The following MBNL2 variants were observed in gnomAD, a reference collection of about 807,000 sequenced individuals.
MBNL2 encodes the protein muscleblind-like protein 2.
MBNL2 carries 17 observed loss-of-function variants against 41.9 expected under a neutral mutation model. The ratio of observed to expected loss-of-function variants is 0.41; its 90% CI spans 0.28 to 0.61. MBNL2 has a LOEUF of 0.61. Ranked by LOEUF, MBNL2 falls within the 20% of genes least tolerant of loss-of-function variation. The pLI, the probability that MBNL2 is intolerant of heterozygous loss-of-function variation, is 0.35. For synonymous variants in MBNL2, 195 were observed against 182.9 expected, an observed-to-expected ratio of 1.07 and a Z score of -0.53; for missense variants, 336 against 505.6, an observed-to-expected ratio of 0.66 and a Z score of 3.22.
At chr13:97,190,597 CT>C in the MBNL2 span, among the ~76,000 whole-genome samples, 1 of 152,196 alleles carries the variant, frequency 6.6e-6, no homozygotes, top group South Asian at 2.1e-4. Flanking sequence ...CCACATACAT[CT>C]CTATGATCCC....
At chr13:97,304,804 TAAAC>T (rs1374651241) in intron 2 of MBNL2, among the ~76,000 whole-genome samples, 4 of 152,240 alleles carry the variant, frequency 2.6e-5, no homozygotes, top group Non-Finnish European at 5.9e-5. Flanking sequence ...CATTATTACA[TAAAC>T]AAAATGCATT....
intron 1 of MBNL2, among the ~76,000 whole-genome samples, chr13:97,260,013 T>C (rs562903755): frequency 6.6e-6 from 1 of 152,156 alleles, no homozygotes; most frequent in East Asian, 1.9e-4. Flanking sequence ...GACATTACAG[T>C]CTGGTTGAGA....
rs1394540558 is a variant in MBNL2 at position 97,281,379 on chromosome 13, T to C, written c.174+4970T>C. ...GTTCTGTGTAGGAATTTCAAGACTC[T>C]GGAAGTATAATACAACATTGACAAA... On this transcript the variant is annotated intron_variant, in intron 2 of 8. Transcript: ENST00000679496. 6.6e-5 allele frequency among the ~76,000 whole-genome samples: 10 copies of C among 152,050 alleles called. No individual in the cohort carries two copies. In the East Asian group the frequency reaches 1.7e-3, roughly 26 times the overall value.
the MBNL2 span, among the ~76,000 whole-genome samples, chr13:97,152,195 G>A: frequency 3.3e-5 from 5 of 151,998 alleles, no homozygotes; most frequent in African/African-American, 9.7e-5. Flanking sequence ...TAAAAAATAC[G>A]TACAAAAAAG....
In MBNL2 at chr13:97,343,808, TG is replaced by T. The variant is rs1424879195; in HGVS notation, c.540+593del. Among the ~76,000 whole-genome samples the T allele has an allele frequency of 2.0e-5, 3 of 152,380 alleles. No homozygotes were observed. In the East Asian group the frequency reaches 5.8e-4, roughly 29 times the overall value. On this transcript the variant is annotated intron_variant, in intron 4 of 8. Transcript: ENST00000679496. ...GATGAGTAAATTTAGTTTTTTGTTT[TG>T]TTTGGTTTGGTTTTGAGACGTAGTT...
At chr13:97,338,137 C>T (rs1311035909) in intron 3 of MBNL2, among the ~76,000 whole-genome samples, 3 of 152,124 alleles carry the variant, frequency 2.0e-5, no homozygotes, top group Admixed American at 6.6e-5. Flanking sequence ...GGGACAAAGC[C>T]GAAACTCTGA....
At chr13:97,211,958 T>A in the MBNL2 span, among the ~76,000 whole-genome samples, 1 of 152,094 alleles carries the variant, frequency 6.6e-6, no homozygotes, top group African/African-American at 2.4e-5. Context: ...ATAGCAGTAT[T>A]TTGGATTTAG....
intron 1 of MBNL2, among the ~76,000 whole-genome samples, chr13:97,251,834 CTTTTTTTTTTTTTTT>C (rs869034692): frequency 1.4e-5 from 1 of 69,578 alleles, no homozygotes; most frequent in Admixed American, 2.0e-4. Flanking sequence ...ATCCTCAATT[CTTTTTTTTTTTTTTT>C]TTTTTTTTTT....
chr13:97,158,308 AGCG>A, the MBNL2 span, among the ~76,000 whole-genome samples: 1 of 150,734 alleles, frequency 6.6e-6, no homozygotes, highest in East Asian at 2.0e-4. Context: ...TAGTCTTGCT[AGCG>A]GTCTATCAAT....
intron 1 of MBNL2, among the ~76,000 whole-genome samples, chr13:97,250,140 A>G (rs980523952): frequency 1.1e-4 from 16 of 152,190 alleles, no homozygotes; most frequent in African/African-American, 3.6e-4. Context: ...AGGAACACCA[A>G]TAATTCTTAG....
At chr13:97,357,410 G>A in intron 6 of MBNL2, 72 bp from the exon 7 acceptor site, 2 of 1,276,828 alleles carry the variant, frequency 1.6e-6, no homozygotes, top group South Asian at 1.2e-5. Flanking sequence ...TGTTGCAATT[G>A]ATGATCTCTG....
chr13:97,216,139 G>A, the MBNL2 span, among the ~76,000 whole-genome samples: 1 of 151,754 alleles, frequency 6.6e-6, no homozygotes, highest in East Asian at 1.9e-4. Flanking sequence ...ATAAATTCAG[G>A]AAAAAACACC....
intron 2 of MBNL2, among the ~76,000 whole-genome samples, chr13:97,330,551 A>G (rs778850810): frequency 1.1e-4 from 17 of 152,230 alleles, no homozygotes; most frequent in Non-Finnish European, 2.2e-4. Context: ...TTTTTCCCAG[A>G]CATTTTTGTC....
chr13:97,163,568 C>T, the MBNL2 span, among the ~76,000 whole-genome samples: 1 of 152,194 alleles, frequency 6.6e-6, no homozygotes, highest in Non-Finnish European at 1.5e-5. Flanking sequence ...ACTGTTCCAC[C>T]TGAGCAGATG....
chr13:97,202,531 C>T, the MBNL2 span, among the ~76,000 whole-genome samples: 2 of 152,050 alleles, frequency 1.3e-5, no homozygotes. Flanking sequence ...CAAATTTTAC[C>T]TAATATGTAA....
intron 1 of MBNL2, among the ~76,000 whole-genome samples, chr13:97,231,457 T>G (rs564662411): frequency 3.9e-5 from 6 of 152,346 alleles, no homozygotes; most frequent in Non-Finnish European, 8.8e-5. Flanking sequence ...AGCAGATCAC[T>G]GGGTCTGGGA....
chr13:97,192,206 AAAG>A, the MBNL2 span, among the ~76,000 whole-genome samples: 1 of 152,200 alleles, frequency 6.6e-6, no homozygotes, highest in East Asian at 1.9e-4. Context: ...ATTCAGAAAA[AAAG>A]AGAGGAAAAA....
At chr13:97,282,258 G>A (rs531454536) in intron 2 of MBNL2, among the ~76,000 whole-genome samples, 94 of 152,244 alleles carry the variant, frequency 6.2e-4, no homozygotes, top group Admixed American at 1.5e-3. Flanking sequence ...GGGAGGCTGA[G>A]GCAGGAGGAT....
At chr13:97,328,595 A>C (rs2060111912) in intron 2 of MBNL2, among the ~76,000 whole-genome samples, 1 of 152,220 alleles carries the variant, frequency 6.6e-6, no homozygotes, top group Non-Finnish European at 1.5e-5. Context: ...TTCCCCAAGA[A>C]AAGTGTTGCT....
Sources: allele counts gnomAD v4.1 joint callset (sites outside exome capture counted in the v4.1 genomes callset), GRCh38; gene constraint gnomAD v4.1.1; transcripts MANE v1.5; gene names NCBI Gene and HGNC (gene_info 2026-07-23, HGNC 2026-07-21).